Variants in FAM131B observed in about 807,000 individuals in gnomAD.
FAM131B encodes the protein protein FAM131B.
In FAM131B, 19 loss-of-function variants were observed where a neutral mutation model predicts 42.0. The observed-to-expected ratio is 0.45, with a 90% confidence interval of 0.32 to 0.66. The LOEUF is 0.66. Among genes scored for constraint, FAM131B ranks in the 30% least tolerant of loss-of-function variants. The pLI is 0.05. For synonymous variants in FAM131B, 183 were observed against 177.6 expected (o/e 1.03, Z -0.24); for missense variants, 370 against 468.4 (o/e 0.79, Z 1.94).
the FAM131B span, chr7:143,382,286 G>A: frequency 6.2e-7 from 1 of 1,612,860 alleles, no homozygotes; most frequent in Non-Finnish European, 8.5e-7. Flanking sequence ...TGGGGATGGC[G>A]ACGATGCAGA....
rs748634364 is a variant in FAM131B, at chr7:143,358,894, G to A, written c.399C>T (p.Ser133=). 1.3e-5 allele frequency: 21 copies of A among 1,613,968 alleles called. No individual in the cohort carries two copies. Among genetic ancestry groups the A allele is most frequent in the South Asian group, 5.5e-5 (5 of 91,082 alleles). The change falls in exon 5 of 7, where the codon TCC becomes TCT. Residue 133 remains serine, a synonymous_variant. Coordinates refer to ENST00000443739, the MANE Select transcript of FAM131B (RefSeq NM_001031690.3). This position sits in a 1 kb window ranked among gnomAD's most constrained non-coding sequence, Gnocchi z 4.7. Reference sequence around the variant, plus strand: ...AGTAGGCATCCGTATCCCTGCGCACGGACTCATGGCTGTGTTGTGGCTGAA... The same window carrying A: ...AGTAGGCATCCGTATCCCTGCGCACAGACTCATGGCTGTGTTGTGGCTGAA... ...PAVQPQHSHE[S]VRRDTDAYSD... is the part of the protein sequence containing the mutation.
At chr7:143,368,309 C>T in the FAM131B span, among the ~76,000 whole-genome samples, 2 of 152,298 alleles carry the variant, frequency 1.3e-5, no homozygotes, top group South Asian at 4.1e-4. Context: ...CAAGCCAATC[C>T]CAGAGCACTG....
the FAM131B span, chr7:143,380,400 C>A: frequency 1.0e-6 from 1 of 985,066 alleles, no homozygotes; most frequent in African/African-American, 1.7e-5. The surrounding 1 kb of genome is among the most constrained non-coding windows in gnomAD (Gnocchi z 5.0). Flanking sequence ...CTCCACCAAG[C>A]GCAGTCTCAG....
chr7:143,358,984 T>G lies in FAM131B; in HGVS notation c.309A>C (p.Thr103=). ...RSMKDHVTKP[T]AMGQGRVAHM... ...GGGCCACCCGGCCTTGCCCCATGGC[T>G]GTGGGCTTTGTCACATGGTCCTTCA... Residue 103 remains threonine, a synonymous_variant, in exon 5 of 7, where the codon ACA becomes ACC. Coordinates refer to ENST00000443739, the MANE Select transcript of FAM131B (RefSeq NM_001031690.3). The surrounding 1 kb of genome is among the most constrained non-coding windows in gnomAD (Gnocchi z 4.7). 6.2e-7 allele frequency: 1 copy of G among 1,614,064 alleles called. No homozygotes were observed. Among genetic ancestry groups the G allele is most frequent in the Non-Finnish European group, 8.5e-7 (1 of 1,180,020 alleles).
chr7:143,369,806 T>G, the FAM131B span, among the ~76,000 whole-genome samples: 3 of 152,100 alleles, frequency 2.0e-5, no homozygotes, highest in African/African-American at 7.2e-5. Context: ...TAAGAATGGG[T>G]ACTTAATCCT....
upstream of FAM131B, among the ~76,000 whole-genome samples, chr7:143,362,986 C>A (rs927552676): frequency 6.6e-6 from 1 of 151,968 alleles, no homozygotes; most frequent in Non-Finnish European, 1.5e-5. The surrounding 1 kb of genome is among the most constrained non-coding windows in gnomAD (Gnocchi z 7.7). Context: ...TCCTGGAGAA[C>A]CCCGGCTTGG....
At chr7:143,371,907 T>C in the FAM131B span, among the ~76,000 whole-genome samples, 1 of 152,208 alleles carries the variant, frequency 6.6e-6, no homozygotes. Flanking sequence ...TGCTGGGAGA[T>C]GAGGCCAGAG....
chr7:143,380,469 G>A, the FAM131B span: 2 of 985,264 alleles, frequency 2.0e-6, no homozygotes, highest in East Asian at 1.1e-4. The surrounding 1 kb of genome is among the most constrained non-coding windows in gnomAD (Gnocchi z 5.0). Flanking sequence ...CGTGGTGGGC[G>A]TTGAAGGGCC....
the FAM131B span, among the ~76,000 whole-genome samples, chr7:143,372,217 T>C: frequency 0.79 from 120,848 of 152,152 alleles, 48,075 homozygotes; most frequent in Non-Finnish European, 0.82. Context: ...TTTTCTGTAG[T>C]GCCACCCAGC....
the FAM131B span, chr7:143,381,475 G>A: frequency 7.2e-7 from 1 of 1,385,382 alleles, no homozygotes; most frequent in South Asian, 1.6e-5. Flanking sequence ...GAGGGGGCGA[G>A]TGGGGGTCAC....
upstream of FAM131B, chr7:143,364,276 T>G: frequency 7.2e-6 from 1 of 139,198 alleles, no homozygotes. Context: ...GGAAAGAAGA[T>G]GGAGAGATGA....
rs563345273 is a variant in FAM131B at position 143,353,725 on chromosome 7, A to G, written c.*2825T>C. 9.2e-5 allele frequency: 14 copies of G among 152,590 alleles called. No individual in the cohort carries two copies. Among genetic ancestry groups the G allele is most frequent in the African/African-American group, 3.1e-4 (13 of 41,500 alleles). The allele number at this position is 152,590 out of a possible 1,614,324, so 9.5% of individuals were successfully genotyped here. ...GGGATGTATAGGTGAGGTCGTGGAG[A>G]AGATAATAAACTCATTCCCCAAGAT... On this transcript the variant is annotated 3_prime_UTR_variant, in exon 7 of 7. Coordinates refer to ENST00000443739, the MANE Select transcript of FAM131B (RefSeq NM_001031690.3).
upstream of FAM131B, among the ~76,000 whole-genome samples, chr7:143,363,151 C>G (rs1014214853): frequency 8.5e-5 from 13 of 152,168 alleles, no homozygotes; most frequent in Admixed American, 6.5e-5. Context: ...TCCGCAAACA[C>G]TTGTTTTCCT....
chr7:143,370,982 G>C, the FAM131B span, among the ~76,000 whole-genome samples: 4,576 of 152,160 alleles, frequency 0.03, 143 homozygotes, highest in East Asian at 0.16. Flanking sequence ...ATACCCTCGT[G>C]AGGGACTCAT....
rs1439470812 is a variant in FAM131B at position 143,355,154 on chromosome 7, G to GGT, written c.*1395_*1396insAC. The GGT allele has an allele frequency of 1.3e-5, 2 of 152,852 alleles. No homozygotes were observed. The highest frequency in any genetic ancestry group is 4.8e-5 in the African/African-American group (2 of 41,464). The allele number at this position is 152,852 out of a possible 1,614,324, so 9.5% of individuals were successfully genotyped here. A position where few individuals can be genotyped will look rare whatever the true frequency, so the allele number is the denominator to read the frequency against. ...CCAAGGGCTGGGGAGGGGCTACCTGGGCAGTGGCAGGGCCAAGTGCTCTCC... is the reference window on the plus strand; with the variant it reads ...CCAAGGGCTGGGGAGGGGCTACCTGGGTGCAGTGGCAGGGCCAAGTGCTCTCC... On this transcript the variant is annotated 3_prime_UTR_variant, in exon 7 of 7. Coordinates refer to ENST00000443739, the MANE Select transcript of FAM131B (RefSeq NM_001031690.3). This position sits in a 1 kb window ranked among gnomAD's most constrained non-coding sequence, Gnocchi z 4.1.
chr7:143,359,758 T>G lies in FAM131B; in HGVS notation c.148A>C (p.Thr50Pro). The G allele has an allele frequency of 1.9e-6, 3 of 1,569,918 alleles. No individual in the cohort carries two copies. Among genetic ancestry groups the G allele is most frequent in the Non-Finnish European group, 1.7e-6 (2 of 1,156,982 alleles). ...LHRPSTEQTR[T>P]DFSWDGINLS... ...TTGATGCCGTCCCAGGAGAAATCAG[T>G]TCGAGTTTGCTGTGAGGAGAGAGGA... The change falls in exon 3 of 7, where the codon ACT becomes CCT. Residue 50 changes from threonine to proline, a missense_variant. By Grantham distance (38) the Thr-to-Pro change is conservative. Transcript: ENST00000443739. The surrounding 1 kb of genome is among the most constrained non-coding windows in gnomAD (Gnocchi z 5.4).
chr7:143,380,541 G>T, the FAM131B span: 1 of 985,354 alleles, frequency 1.0e-6, no homozygotes, highest in African/African-American at 1.7e-5. The surrounding 1 kb of genome is among the most constrained non-coding windows in gnomAD (Gnocchi z 5.0). Flanking sequence ...GCAGGCGGCC[G>T]CCGCCTCGGC....
At chr7:143,377,436 T>C in the FAM131B span, among the ~76,000 whole-genome samples, 1 of 151,916 alleles carries the variant, frequency 6.6e-6, no homozygotes, top group Admixed American at 6.6e-5. Context: ...AGGTATAAAG[T>C]AGGGGTGTTG....
the FAM131B span, chr7:143,381,894 C>A: frequency 4.7e-6 from 5 of 1,073,960 alleles, no homozygotes; most frequent in Non-Finnish European, 6.5e-6. Context: ...GGCGCAGCCA[C>A]CCTGTCCCGA....
Sources: allele counts gnomAD v4.1 joint callset (sites outside exome capture counted in the v4.1 genomes callset), GRCh38; gene constraint gnomAD v4.1.1; non-coding constraint Gnocchi (gnomAD v3.1); transcripts MANE v1.5; gene names NCBI Gene and HGNC (gene_info 2026-07-23, HGNC 2026-07-21).